The following CCDC33 variants were observed in gnomAD, a reference collection of about 807,000 sequenced individuals.
CCDC33 encodes the protein coiled-coil domain-containing protein 33.
In CCDC33, 94 loss-of-function variants were observed where a neutral mutation model predicts 91.9. The ratio of observed to expected loss-of-function variants is 1.02; its 90% CI spans 0.87 to 1.21. CCDC33 has a LOEUF of 1.21. Ranked by LOEUF, CCDC33 falls within the 50% of genes most tolerant of loss-of-function variation. The probability of loss-of-function intolerance (pLI) is 0.00; values close to 1 mark genes in which losing one functional copy is unlikely to be tolerated. For synonymous variants in CCDC33, 396 were observed against 374.5 expected (o/e 1.06, Z -0.66); for missense variants, 940 against 935.5 (o/e 1.00, Z -0.06).
rs764777844 is a variant in CCDC33, at chr15:74,236,766, A to G, written c.21+26A>G. The G allele has an allele frequency of 3.7e-6, 6 of 1,609,978 alleles. No individual in the cohort carries two copies. In the African/African-American group the frequency reaches 6.7e-5, roughly 18 times the overall value. On this transcript the variant is annotated intron_variant, in intron 1 of 18. Coordinates refer to ENST00000398814, the MANE Select transcript of CCDC33 (RefSeq NM_025055.5). ...GTAAGGCCAGGGGCATGGGCCATGCACCTGCATGAATCCGTCCCTCCTTCA... is the reference window on the plus strand; with the variant it reads ...GTAAGGCCAGGGGCATGGGCCATGCGCCTGCATGAATCCGTCCCTCCTTCA...
chr15:74,275,421 G>T (rs1009290001), intron 7 of CCDC33, among the ~76,000 whole-genome samples: 1 of 152,176 alleles, frequency 6.6e-6, no homozygotes, highest in African/African-American at 2.4e-5. Context: ...CCTCACCACT[G>T]CCCTTTTCAC....
chr15:74,257,588 G>C (rs987686624), intron 2 of CCDC33, among the ~76,000 whole-genome samples: 2 of 152,184 alleles, frequency 1.3e-5, no homozygotes, highest in Non-Finnish European at 2.9e-5. Flanking sequence ...GAGGGACTCG[G>C]GGGAGAACCA....
chr15:74,229,140 C>T (rs1347504646), intron 2 of CCDC33, among the ~76,000 whole-genome samples: 1 of 152,210 alleles, frequency 6.6e-6, no homozygotes, highest in Non-Finnish European at 1.5e-5. Flanking sequence ...ATTAAGGCCA[C>T]AGTCTCTGCA....
rs12906092 is a variant in CCDC33 at position 74,316,742 on chromosome 15, T to G, written c.1291-13447T>G. 0.47 allele frequency among the ~76,000 whole-genome samples: 70,930 copies of G among 152,022 alleles called. 19,391 individuals carry two copies. The highest frequency in any genetic ancestry group is 0.61 in the Non-Finnish European group (41,705 of 67,918). ...GTGCTAGACCCTCCAGAGCCCCTCA[T>G]GAGAGTTGCACAGAGGAGGGAGTAA... is the stretch of plus-strand genomic sequence containing the variant. On this transcript the variant is annotated intron_variant, in intron 11 of 18. Transcript: ENST00000398814. The surrounding 1 kb of genome is among the most constrained non-coding windows in gnomAD (Gnocchi z 4.7).
At chr15:74,288,105 T>G (rs1193112554) in intron 10 of CCDC33, among the ~76,000 whole-genome samples, 1 of 152,128 alleles carries the variant, frequency 6.6e-6, no homozygotes, top group Admixed American at 6.5e-5. Flanking sequence ...TTTGACAGAC[T>G]CTACTTGGTC....
chr15:74,306,064 G>C (rs894766697), intron 11 of CCDC33, among the ~76,000 whole-genome samples: 1 of 152,130 alleles, frequency 6.6e-6, no homozygotes, highest in Non-Finnish European at 1.5e-5. Flanking sequence ...GGGATCCCTC[G>C]AGACTGAGGG....
intron 1 of CCDC33, chr15:74,207,800 TCACA>T: frequency 2.6e-6 from 4 of 1,534,666 alleles, no homozygotes; most frequent in Non-Finnish European, 3.5e-6. Context: ...CACAGCACAC[TCACA>T]CACACATCCA....
upstream of CCDC33, among the ~76,000 whole-genome samples, chr15:74,233,563 C>T (rs1431826052): frequency 2.6e-5 from 4 of 152,200 alleles, no homozygotes; most frequent in East Asian, 5.8e-4. Context: ...CTAACTGGGC[C>T]CCTTGAGGCC....
intron 7 of CCDC33, among the ~76,000 whole-genome samples, chr15:74,277,221 A>T (rs2076472012): frequency 6.6e-6 from 1 of 152,228 alleles, no homozygotes; most frequent in Non-Finnish European, 1.5e-5. Flanking sequence ...CCCAAAGAGG[A>T]GAAGGGACTT....
At chr15:74,252,770 G>C (rs1265563597) in intron 2 of CCDC33, among the ~76,000 whole-genome samples, 2 of 152,202 alleles carry the variant, frequency 1.3e-5, no homozygotes, top group Non-Finnish European at 2.9e-5. Context: ...CTGGGAACCA[G>C]GGTCTTCATC....
chr15:74,305,887 A>AGG (rs3057600), intron 11 of CCDC33, among the ~76,000 whole-genome samples: 72,681 of 151,406 alleles, frequency 0.48, 19,076 homozygotes, highest in East Asian at 0.71. Context: ...AAATCACTCA[A>AGG]CCTCTCTGAT....
intron 2 of CCDC33, among the ~76,000 whole-genome samples, chr15:74,253,041 T>C (rs1441651673): frequency 1.3e-5 from 2 of 152,176 alleles, no homozygotes; most frequent in Non-Finnish European, 2.9e-5. Context: ...TTCTCATGCC[T>C]GAAACCCCCA....
chr15:74,230,624 C>T lies in CCDC33; in HGVS notation c.675+11763C>T, dbSNP rs957707071. The stretch of plus-strand genomic sequence containing the variant: ...AAATGGAAGCCGCGTTGTCCAACAA[C>T]GAGAACATCACACTCTACTCGTCAC... On this transcript the variant is annotated intron_variant, in intron 2 of 2. Coordinates refer to the CCDC33 transcript ENST00000635913. 3.9e-5 allele frequency among the ~76,000 whole-genome samples: 6 copies of T among 152,256 alleles called. 1 individual carries two copies. The highest frequency in any genetic ancestry group is 4.1e-4 in the South Asian group (2 of 4,828).
chr15:74,209,434 T>C (rs1250899285), exon 2 of CCDC33: 2 of 1,535,476 alleles, frequency 1.3e-6, no homozygotes, highest in South Asian at 1.2e-5. Context: ...CCAGCTCGGC[T>C]CTTAATAACC....
chr15:74,330,356 T>G lies in CCDC33; in HGVS notation c.1456+2T>G, dbSNP rs1596137814. 1 of 1,585,846 alleles carries G rather than the reference T, an allele frequency of 6.3e-7. No individual in the cohort carries two copies. Among genetic ancestry groups the G allele is most frequent in the Non-Finnish European group, 8.6e-7 (1 of 1,166,062 alleles). ...AAGCCAGTGAGGCCCAGAACACGGG[T>G]GAGGATGTGCAGGCCACCAAGGGCA... On this transcript the variant is annotated splice_donor_variant, in intron 12 of 18. Transcript: ENST00000398814. LOFTEE classifies it high-confidence loss of function.
At chr15:74,243,813 C>T in intron 1 of CCDC33, 172 bp from the exon 2 acceptor site, 1 of 719,986 alleles carries the variant, frequency 1.4e-6, no homozygotes, top group Non-Finnish European at 2.4e-6. Flanking sequence ...GATGTGGTGG[C>T]ACATGCCTGT....
At chr15:74,318,818 C>T (rs992440273) in intron 11 of CCDC33, among the ~76,000 whole-genome samples, 5 of 152,314 alleles carry the variant, frequency 3.3e-5, no homozygotes, top group Admixed American at 6.5e-5. Flanking sequence ...CTTAGATGCC[C>T]GTGGTCACAG....
upstream of CCDC33, among the ~76,000 whole-genome samples, chr15:74,215,886 AAAAGAAAG>A (rs1295954055): frequency 2.0e-3 from 232 of 113,904 alleles, 1 homozygote; most frequent in South Asian, 0.011. Context: ...AAAAAAAAAA[AAAAGAAAG>A]AAAGAAAGAA....
Position 74,236,531 on chromosome 15 carries a change from AT to A in CCDC33, c.-188del. ...CTGGCCACCCTCCCCCTCCCCCCAC[AT>A]CCAGGCCCCAGGGCTGGTGTGTGGC... On this transcript the variant is annotated 5_prime_UTR_variant, in exon 1 of 19. Coordinates refer to ENST00000398814, the MANE Select transcript of CCDC33 (RefSeq NM_025055.5). The A allele has an allele frequency of 3.9e-6, 1 of 253,686 alleles. No homozygotes were observed. Among genetic ancestry groups the A allele is most frequent in the Admixed American group, 4.9e-5 (1 of 20,364 alleles). The allele number at this position is 253,686 out of a possible 1,614,324, so 15.7% of individuals were successfully genotyped here.
Sources: gnomAD v4.1 joint callset for allele counts (sites outside exome capture counted in the v4.1 genomes callset) on GRCh38, gnomAD v4.1.1 for gene constraint, Gnocchi (gnomAD v3.1) non-coding constraint, MANE v1.5 for transcripts, NCBI Gene and HGNC (gene_info 2026-07-23, HGNC 2026-07-21) for gene names.